Variants in IL1RAPL2 observed in about 807,000 individuals in gnomAD.
IL1RAPL2 encodes the protein X-linked interleukin-1 receptor accessory protein-like 2.
A neutral mutation model predicts 44.1 loss-of-function variants in IL1RAPL2; 3 were observed. The observed-to-expected ratio is 0.07, with a 90% CI of 0.03 to 0.18. IL1RAPL2 has a LOEUF of 0.18. Among genes scored for constraint, IL1RAPL2 ranks in the 10% least tolerant of loss-of-function variants. The pLI, the probability that IL1RAPL2 is intolerant of heterozygous loss-of-function variation, is 1.00. For missense variants in IL1RAPL2, 391 were observed against 496.4 expected (o/e 0.79, Z 2.02); for synonymous variants, 181 against 178.8 (o/e 1.01, Z -0.10).
intron 2 of IL1RAPL2, among the ~76,000 whole-genome samples, chrX:105,124,151 T>C (rs183348213): frequency 9.0e-6 from 1 of 111,542 alleles, no homozygotes; most frequent in Non-Finnish European, 1.9e-5. Flanking sequence ...TCATTATTCC[T>C]CCTTGTACTA....
At chrX:104,763,185 C>G (rs755837593) in intron 2 of IL1RAPL2, among the ~76,000 whole-genome samples, 2 of 111,837 alleles carry the variant, frequency 1.8e-5, no homozygotes, top group South Asian at 7.6e-4. Context: ...ATCTCTAGGG[C>G]AGGGGCAAAA....
intron 2 of IL1RAPL2, among the ~76,000 whole-genome samples, chrX:104,924,813 C>T (rs1025200180): frequency 9.0e-6 from 1 of 110,876 alleles, no homozygotes; most frequent in Non-Finnish European, 1.9e-5. Flanking sequence ...ACAAACCAAA[C>T]CCAAAGCTAG....
At chrX:105,089,485 T>A in intron 2 of IL1RAPL2, among the ~76,000 whole-genome samples, 1 of 110,935 alleles carries the variant, frequency 9.0e-6, no homozygotes, top group East Asian at 2.8e-4. Flanking sequence ...GCCCAGGGTC[T>A]TCTACGTCAA....
chrX:105,428,115 A>G (rs1285414481), intron 5 of IL1RAPL2, among the ~76,000 whole-genome samples: 1 of 111,373 alleles, frequency 9.0e-6, no homozygotes, highest in Admixed American at 9.6e-5. Flanking sequence ...TATCAAATGA[A>G]GAAAACACTA....
chrX:105,225,699 T>TTTTA lies in IL1RAPL2; in HGVS notation c.357-8116_357-8115insATTT, dbSNP rs1409762757. Among the ~76,000 whole-genome samples the TTTTA allele has an allele frequency of 5.5e-3, 348 of 63,847 alleles. 1 individual carries two copies. The highest frequency in any genetic ancestry group is 0.042 in the Middle Eastern group (4 of 95). 55.4% of individuals were successfully genotyped at this position (63,847 alleles called of 115,157 possible). A position where few individuals can be genotyped will look rare whatever the true frequency, so the allele number is the denominator to read the frequency against. ...ATTTTATTTTATTTTATTTTATTTT[T>TTTTA]TTTTCTGAGACAGAGTCTCCTCTGT... is the stretch of plus-strand genomic sequence containing the variant. On this transcript the variant is annotated intron_variant, in intron 3 of 10. Transcript: ENST00000372582.
chrX:104,725,298 G>A (rs1400562404), intron 2 of IL1RAPL2, among the ~76,000 whole-genome samples: 1 of 111,776 alleles, frequency 8.9e-6, no homozygotes, highest in East Asian at 2.8e-4. Flanking sequence ...GGACAGTTGG[G>A]TAGGTTTCAA....
At chrX:105,628,699 C>T (rs1019829226) in intron 6 of IL1RAPL2, among the ~76,000 whole-genome samples, 4 of 111,927 alleles carry the variant, frequency 3.6e-5, no homozygotes, top group Admixed American at 1.9e-4. Context: ...CTTTGGGAGG[C>T]CAAGGCAGGT....
In IL1RAPL2 at chrX:104,787,433, A is replaced by T. The variant is rs181730112; in HGVS notation, c.82+128438A>T. ...TTACTTTGTAGCCCCAGACAAGAGAATGTAGGAGTTTGGGGGTATCAGCCA... is the reference window on the plus strand; with the variant it reads ...TTACTTTGTAGCCCCAGACAAGAGATTGTAGGAGTTTGGGGGTATCAGCCA... On this transcript the variant is annotated intron_variant, in intron 2 of 10. Coordinates refer to ENST00000372582, the MANE Select transcript of IL1RAPL2 (RefSeq NM_017416.2). Among the ~76,000 whole-genome samples the T allele has an allele frequency of 3.4e-3, 382 of 111,465 alleles. 2 individuals are homozygous for T. Among genetic ancestry groups the T allele is most frequent in the Non-Finnish European group, 5.6e-3 (296 of 53,093 alleles).
chrX:105,470,360 T>C (rs2036158226), intron 5 of IL1RAPL2, among the ~76,000 whole-genome samples: 1 of 111,945 alleles, frequency 8.9e-6, no homozygotes, highest in South Asian at 3.7e-4. Flanking sequence ...GGTTACACTA[T>C]AAATTTTTAG....
In IL1RAPL2 at chrX:105,150,254, C is replaced by T. The variant is rs751875251; in HGVS notation, c.83-45221C>T. On this transcript the variant is annotated intron_variant, in intron 2 of 10. Coordinates refer to ENST00000372582, the MANE Select transcript of IL1RAPL2 (RefSeq NM_017416.2). ...TTCTCTTTGGTACTGGGTCAGAGTT[C>T]AACCTTTAATTTTGGTCTGCCAGTG... 3.3e-3 allele frequency among the ~76,000 whole-genome samples: 370 copies of T among 111,738 alleles called. 1 individual carries two copies. Among genetic ancestry groups the T allele is most frequent in the African/African-American group, 0.011 (341 of 30,804 alleles).
At chrX:104,645,542 G>A (rs1452115191) in intron 1 of IL1RAPL2, among the ~76,000 whole-genome samples, 1 of 112,106 alleles carries the variant, frequency 8.9e-6, no homozygotes, top group East Asian at 2.8e-4. Flanking sequence ...TTTCAACTTA[G>A]AAGTCACTTT....
intron 5 of IL1RAPL2, among the ~76,000 whole-genome samples, chrX:105,398,422 C>T (rs375552859): frequency 3.6e-5 from 4 of 110,751 alleles, no homozygotes; most frequent in African/African-American, 1.3e-4. Context: ...ATATTATACA[C>T]AGGTTGAAGC....
At chrX:105,511,073 C>G (rs2036466533) in intron 6 of IL1RAPL2, among the ~76,000 whole-genome samples, 1 of 111,774 alleles carries the variant, frequency 8.9e-6, no homozygotes. Flanking sequence ...GCTACATTGA[C>G]TGAGATACAC....
At chrX:104,841,795 G>T (rs1387488660) in intron 2 of IL1RAPL2, among the ~76,000 whole-genome samples, 1 of 110,949 alleles carries the variant, frequency 9.0e-6, no homozygotes, top group Non-Finnish European at 1.9e-5. Context: ...TGGGTGACCT[G>T]ACCTTTCTCT....
At position 104,581,054 on chromosome X, in the gene IL1RAPL2, C is replaced by T. The variant is rs138335165; in HGVS notation, c.-20+14003C>T. On this transcript the variant is annotated intron_variant, in intron 1 of 10. Coordinates refer to ENST00000372582, the MANE Select transcript of IL1RAPL2 (RefSeq NM_017416.2). Reference sequence around the variant, plus strand: ...TGCCACAAAAGTTTCAAGTGCTATACGAATGAATGTAAAAGTGTTTTAAAT... The same window carrying T: ...TGCCACAAAAGTTTCAAGTGCTATATGAATGAATGTAAAAGTGTTTTAAAT... Among the ~76,000 whole-genome samples the T allele has an allele frequency of 7.4e-3, 826 of 112,243 alleles. 12 individuals are homozygous for T. The highest frequency in any genetic ancestry group is 0.026 in the African/African-American group (806 of 30,915).
chrX:104,994,652 G>A (rs1265157276), intron 2 of IL1RAPL2, among the ~76,000 whole-genome samples: 2 of 110,930 alleles, frequency 1.8e-5, no homozygotes, highest in African/African-American at 3.3e-5. Context: ...CAGATTCAAG[G>A]GTATCTACTC....
intron 6 of IL1RAPL2, among the ~76,000 whole-genome samples, chrX:105,496,108 T>C (rs193273986): frequency 2.3e-4 from 26 of 112,310 alleles, no homozygotes; most frequent in Admixed American, 2.2e-3. Context: ...TTCTTTGTGA[T>C]TGATAATAAC....
chrX:104,931,634 G>A (rs1331118821), intron 2 of IL1RAPL2, among the ~76,000 whole-genome samples: 1 of 111,333 alleles, frequency 9.0e-6, no homozygotes, highest in African/African-American at 3.3e-5. Context: ...AATACTCTGA[G>A]ACATATTTTA....
At chrX:104,803,652 C>G (rs1350179112) in intron 2 of IL1RAPL2, among the ~76,000 whole-genome samples, 1 of 112,253 alleles carries the variant, frequency 8.9e-6, no homozygotes, top group Non-Finnish European at 1.9e-5. Context: ...GTTGCTGTTT[C>G]CCCAGGCCAA....
Sources: gnomAD v4.1 joint callset for allele counts (sites outside exome capture counted in the v4.1 genomes callset) on GRCh38, gnomAD v4.1.1 for gene constraint, MANE v1.5 for transcripts, NCBI Gene and HGNC (gene_info 2026-07-23, HGNC 2026-07-21) for gene names.